C12orf42: variants seen among roughly 807,000 people sequenced by gnomAD.
C12orf42 encodes the protein uncharacterized protein C12orf42.
In C12orf42, 25 loss-of-function variants were observed where a neutral mutation model predicts 21.6. That is an observed-to-expected ratio of 1.16 (90% CI 0.84 to 1.62). The LOEUF (loss-of-function observed/expected upper bound fraction) is 1.62, where lower values mean the gene tolerates loss of function less well. C12orf42 is among the 40% of genes most tolerant of loss of function. The probability of loss-of-function intolerance (pLI) is 0.00; values close to 1 mark genes in which losing one functional copy is unlikely to be tolerated. For missense variants in C12orf42, 483 were observed against 459.3 expected (o/e 1.05, Z -0.47); for synonymous variants, 174 against 175.0 (o/e 0.99, Z 0.05).
intron 4 of C12orf42, among the ~76,000 whole-genome samples, chr12:103,286,454 C>A (rs1473983674): frequency 1.3e-5 from 2 of 151,592 alleles, no homozygotes; most frequent in Non-Finnish European, 2.9e-5. Flanking sequence ...TTTACACCCA[C>A]TAAGTCTTTA....
the C12orf42 span, chr12:103,159,645 T>C: frequency 6.6e-6 from 1 of 152,262 alleles, no homozygotes; most frequent in African/African-American, 2.4e-5. Context: ...ACAAGTCAAC[T>C]GTTTTCTGCA....
At chr12:103,435,519 T>C (rs893688950) in intron 2 of C12orf42, among the ~76,000 whole-genome samples, 38 of 152,226 alleles carry the variant, frequency 2.5e-4, no homozygotes, top group Non-Finnish European at 4.7e-4. Flanking sequence ...TTTAGAATAA[T>C]GTATAACTAG....
At chr12:103,515,738 T>C in the C12orf42 span, among the ~76,000 whole-genome samples, 19 of 152,178 alleles carry the variant, frequency 1.2e-4, no homozygotes, top group African/African-American at 4.3e-4. Context: ...CTGCATTAAA[T>C]AAAAAGAAAT....
At chr12:103,097,034 T>C in the C12orf42 span, among the ~76,000 whole-genome samples, 1 of 152,224 alleles carries the variant, frequency 6.6e-6, no homozygotes, top group Non-Finnish European at 1.5e-5. Context: ...CAATGTTGTG[T>C]CCTCACAGCC....
chr12:103,226,708 G>A, the C12orf42 span, among the ~76,000 whole-genome samples: 2 of 152,150 alleles, frequency 1.3e-5, no homozygotes, highest in African/African-American at 4.8e-5. Flanking sequence ...GAAGAATTGG[G>A]ACCTAGCTCA....
chr12:103,419,568 C>T (rs973823339), intron 2 of C12orf42, among the ~76,000 whole-genome samples: 1 of 152,022 alleles, frequency 6.6e-6, no homozygotes, highest in African/African-American at 2.4e-5. Context: ...GCTATAAAGA[C>T]CAGTGACTCC....
At chr12:103,092,880 G>C in the C12orf42 span, among the ~76,000 whole-genome samples, 5 of 152,130 alleles carry the variant, frequency 3.3e-5, no homozygotes, top group African/African-American at 1.2e-4. Flanking sequence ...GAAACACTTA[G>C]CCTGACACCT....
chr12:103,538,029 A>G, the C12orf42 span, among the ~76,000 whole-genome samples: 1 of 152,238 alleles, frequency 6.6e-6, no homozygotes, highest in East Asian at 1.9e-4. Context: ...GTAGTCACCA[A>G]TATCTGCTGC....
chr12:103,334,582 T>C (rs1353645624), intron 4 of C12orf42, among the ~76,000 whole-genome samples: 1 of 152,186 alleles, frequency 6.6e-6, no homozygotes, highest in Non-Finnish European at 1.5e-5. Flanking sequence ...ACATACCATG[T>C]GACTCCAAGT....
At chr12:103,445,637 T>C (rs989792944) in intron 2 of C12orf42, among the ~76,000 whole-genome samples, 2 of 152,078 alleles carry the variant, frequency 1.3e-5, no homozygotes, top group African/African-American at 4.8e-5. Flanking sequence ...GAGTTATTTA[T>C]GTGCCCTAGA....
chr12:103,494,544 C>T (rs564132272), intron 1 of C12orf42, among the ~76,000 whole-genome samples: 2 of 151,400 alleles, frequency 1.3e-5, no homozygotes, highest in East Asian at 3.9e-4. Flanking sequence ...TTTAAGCACT[C>T]TATGTGGCAG....
chr12:103,396,112 G>T (rs1225947667), intron 3 of C12orf42, among the ~76,000 whole-genome samples: 1 of 151,242 alleles, frequency 6.6e-6, no homozygotes, highest in Non-Finnish European at 1.5e-5. Context: ...TAACATAATA[G>T]TTGATATGGT....
the C12orf42 span, among the ~76,000 whole-genome samples, chr12:103,524,138 T>C: frequency 6.6e-6 from 1 of 152,172 alleles, no homozygotes; most frequent in Non-Finnish European, 1.5e-5. Context: ...TCACAGCCCC[T>C]AAGATGCATT....
chr12:103,361,281 T>C (rs1035891240), intron 4 of C12orf42, among the ~76,000 whole-genome samples: 1 of 152,050 alleles, frequency 6.6e-6, no homozygotes, highest in Non-Finnish European at 1.5e-5. Context: ...AAGGTCTAGA[T>C]TAAGGGAAAA....
intron 3 of C12orf42, among the ~76,000 whole-genome samples, chr12:103,384,154 TA>T (rs974838519): frequency 2.0e-5 from 3 of 152,156 alleles, no homozygotes; most frequent in South Asian, 4.1e-4. Flanking sequence ...TTCTTCTTCT[TA>T]AAAAAACTGT....
chr12:103,058,360 G>C, the C12orf42 span, among the ~76,000 whole-genome samples: 2 of 152,086 alleles, frequency 1.3e-5, no homozygotes, highest in African/African-American at 2.4e-5. Flanking sequence ...ATTCCTTGTA[G>C]ATTTTGAATA....
At chr12:103,350,381 T>C (rs7134076) in intron 4 of C12orf42, among the ~76,000 whole-genome samples, 4,650 of 152,242 alleles carry the variant, frequency 0.031, 210 homozygotes, top group African/African-American at 0.11. Flanking sequence ...CCTAGTCGTC[T>C]TGGTTATCAG....
chr12:103,472,180 G>A (rs968281343), intron 2 of C12orf42, among the ~76,000 whole-genome samples: 5 of 147,348 alleles, frequency 3.4e-5, no homozygotes, highest in East Asian at 2.0e-4. Context: ...TCAGCCTCAC[G>A]AGTAGCTGGG....
At chr12:103,290,494 A>T (rs954418968) in intron 4 of C12orf42, among the ~76,000 whole-genome samples, 2 of 152,198 alleles carry the variant, frequency 1.3e-5, no homozygotes, top group African/African-American at 4.8e-5. Flanking sequence ...TGAAGAGAAC[A>T]TTGTTAAAGT....
Sources: gnomAD v4.1 joint callset for allele counts (sites outside exome capture counted in the v4.1 genomes callset) on GRCh38, gnomAD v4.1.1 for gene constraint, MANE v1.5 for transcripts, NCBI Gene and HGNC (gene_info 2026-07-23, HGNC 2026-07-21) for gene names.